The following DAPK1 variants were observed in gnomAD, a reference collection of about 807,000 sequenced individuals.
The protein encoded by DAPK1 is death associated protein kinase 1, also known as death-associated protein kinase 1.
A neutral mutation model predicts 144.9 loss-of-function variants in DAPK1; 56 were observed. That is an observed-to-expected ratio of 0.39 (90% CI 0.31 to 0.48). DAPK1 has a LOEUF of 0.48. Among genes scored for constraint, DAPK1 ranks in the 20% least tolerant of loss-of-function variants. DAPK1 has a pLI of 0.95. For missense variants in DAPK1, 1,454 were observed against 1,875.4 expected, an observed-to-expected ratio of 0.78 and a Z score of 4.15; for synonymous variants, 690 against 749.0, an observed-to-expected ratio of 0.92 and a Z score of 1.29.
At chr9:87,550,758 ACCAGTGGTTTGCTGT>A (rs542310921) in intron 2 of DAPK1, among the ~76,000 whole-genome samples, 217 of 152,270 alleles carry the variant, frequency 1.4e-3, no homozygotes, top group African/African-American at 4.4e-3. Flanking sequence ...TGTTTTATGT[ACCAGTGGTTTGCTGT>A]TACTGCCGAG....
At chr9:87,506,930 G>A (rs1044346943) in intron 2 of DAPK1, 1 of 152,252 alleles carries the variant, frequency 6.6e-6, no homozygotes. Flanking sequence ...TCTTTCTTAG[G>A]TAAGTACAGT....
chr9:87,681,700 G>T (rs1225543232), intron 20 of DAPK1, 74 bp downstream of exon 20: 2 of 801,668 alleles, frequency 2.5e-6, no homozygotes, highest in African/African-American at 1.7e-5. Context: ...AAGGTCTAGG[G>T]GGGAAGGGAG....
intron 2 of DAPK1, among the ~76,000 whole-genome samples, chr9:87,511,023 T>A (rs190917118): frequency 2.8e-4 from 43 of 152,240 alleles, no homozygotes; most frequent in Non-Finnish European, 4.6e-4. Context: ...TGCTTCTGAA[T>A]CTGTGTTCCC....
intron 3 of DAPK1, among the ~76,000 whole-genome samples, chr9:87,613,153 G>A (rs149549096): frequency 3.3e-5 from 5 of 152,312 alleles, no homozygotes; most frequent in African/African-American, 9.6e-5. Flanking sequence ...AGTGCAGGGC[G>A]TGGAGTGAAT....
intron 2 of DAPK1, 82 bp from the exon 3 acceptor site, chr9:87,604,872 C>A (rs1339675103): frequency 6.4e-6 from 8 of 1,247,146 alleles, no homozygotes; most frequent in Middle Eastern, 1.9e-4. Flanking sequence ...GTTCTCTTGT[C>A]CCCCTCTGCA....
intron 13 of DAPK1, 55 bp from the exon 14 acceptor site, chr9:87,647,250 G>A: frequency 1.5e-6 from 2 of 1,359,928 alleles, no homozygotes; most frequent in South Asian, 1.2e-5. Context: ...AGGAATGCAT[G>A]CATCTGGTGC....
intron 22 of DAPK1, among the ~76,000 whole-genome samples, chr9:87,697,984 G>C (rs1327410183): frequency 6.6e-6 from 1 of 152,192 alleles, no homozygotes; most frequent in Non-Finnish European, 1.5e-5. Flanking sequence ...AAGAAAGGGA[G>C]CATGTTGACT....
chr9:87,514,146 G>A (rs1198839595), intron 2 of DAPK1, among the ~76,000 whole-genome samples: 1 of 152,188 alleles, frequency 6.6e-6, no homozygotes, highest in African/African-American at 2.4e-5. Flanking sequence ...GTGCTTAGGA[G>A]GCTAGAGCTG....
At chr9:87,605,879 C>T (rs906222220) in intron 3 of DAPK1, among the ~76,000 whole-genome samples, 1 of 152,146 alleles carries the variant, frequency 6.6e-6, no homozygotes, top group Non-Finnish European at 1.5e-5. Context: ...AGTCCATCAG[C>T]ACATGCTGGC....
intron 21 of DAPK1, among the ~76,000 whole-genome samples, chr9:87,696,094 TC>T (rs1203086602): frequency 6.6e-6 from 1 of 152,146 alleles, no homozygotes; most frequent in Non-Finnish European, 1.5e-5. Flanking sequence ...CTTTGTTTTT[TC>T]CCCAGGTGGT....
chr9:87,592,257 G>A (rs1383340743), intron 2 of DAPK1, among the ~76,000 whole-genome samples: 3 of 152,196 alleles, frequency 2.0e-5, no homozygotes, highest in Admixed American at 6.5e-5. Context: ...GCAAGAGGAA[G>A]GGCTTCCCAC....
chr9:87,602,075 G>A (rs777207425), intron 2 of DAPK1, among the ~76,000 whole-genome samples: 2 of 152,156 alleles, frequency 1.3e-5, no homozygotes, highest in African/African-American at 2.4e-5. Context: ...CCCCTGAGGG[G>A]TATGGGGTGC....
chr9:87,576,234 T>C (rs779223518), intron 2 of DAPK1, among the ~76,000 whole-genome samples: 1 of 152,204 alleles, frequency 6.6e-6, no homozygotes, highest in Non-Finnish European at 1.5e-5. Context: ...GAAAATGTGT[T>C]TGAGTTTGTG....
intron 2 of DAPK1, among the ~76,000 whole-genome samples, chr9:87,550,840 T>G (rs1433326328): frequency 6.6e-6 from 1 of 152,234 alleles, no homozygotes; most frequent in Non-Finnish European, 1.5e-5. Flanking sequence ...AAGCCATGCT[T>G]GTTGATGGGT....
At chr9:87,622,332 C>A (rs955753236) in intron 3 of DAPK1, among the ~76,000 whole-genome samples, 1 of 152,022 alleles carries the variant, frequency 6.6e-6, no homozygotes. Flanking sequence ...ACACCAGACA[C>A]CCTGCAGGGT....
At chr9:87,531,692 A>G (rs1825703174) in intron 2 of DAPK1, among the ~76,000 whole-genome samples, 1 of 152,186 alleles carries the variant, frequency 6.6e-6, no homozygotes, top group South Asian at 2.1e-4. Context: ...GATTTCATAC[A>G]GGTGCTGTCT....
At chr9:87,579,161 C>G (rs1029061730) in intron 2 of DAPK1, among the ~76,000 whole-genome samples, 3 of 152,108 alleles carry the variant, frequency 2.0e-5, no homozygotes, top group African/African-American at 7.2e-5. Context: ...ACACATTTCC[C>G]CACCTGCTTC....
intron 4 of DAPK1, among the ~76,000 whole-genome samples, chr9:87,638,786 A>G (rs553984248): frequency 3.3e-5 from 5 of 152,338 alleles, no homozygotes; most frequent in East Asian, 3.9e-4. Context: ...AGAGCTGTCA[A>G]TGTCCCATTC....
At chr9:87,516,607 T>C (rs929921843) in intron 2 of DAPK1, among the ~76,000 whole-genome samples, 2 of 152,196 alleles carry the variant, frequency 1.3e-5, no homozygotes, top group Non-Finnish European at 2.9e-5. Context: ...TTGTTTCTTA[T>C]TCTCTTAGGC....
Sources: allele counts gnomAD v4.1 joint callset (sites outside exome capture counted in the v4.1 genomes callset), GRCh38; gene constraint gnomAD v4.1.1; transcripts MANE v1.5; gene names NCBI Gene and HGNC (gene_info 2026-07-23, HGNC 2026-07-21).